DSC1: variants seen among roughly 807,000 people sequenced by gnomAD.
DSC1 encodes the protein desmocollin-1.
DSC1 carries 79 observed loss-of-function variants against 98.8 expected under a neutral mutation model. The ratio of observed to expected loss-of-function variants is 0.80; its 90% CI spans 0.67 to 0.96. The LOEUF is 0.96. DSC1 is among the 50% of genes least tolerant of loss of function. DSC1 has a pLI of 0.00. For synonymous variants in DSC1, 405 were observed against 372.1 expected (o/e 1.09, Z -1.02); for missense variants, 1,115 against 1,075.9 (o/e 1.04, Z -0.51).
intron 2 of DSC1, among the ~76,000 whole-genome samples, chr18:31,158,651 C>T (rs1247101936): frequency 6.6e-6 from 1 of 152,014 alleles, no homozygotes; most frequent in Non-Finnish European, 1.5e-5. Flanking sequence ...CTAAGACCCA[C>T]CAAAACTGTA....
chr18:31,157,337 A>G, intron 3 of DSC1, 34 bp downstream of exon 3: 1 of 1,603,898 alleles, frequency 6.2e-7, no homozygotes, highest in Non-Finnish European at 8.5e-7. Context: ...TAAGCATATT[A>G]CTGTGCTAGG....
intron 9 of DSC1, 90 bp from the exon 10 acceptor site, chr18:31,140,391 T>C (rs1253006651): frequency 1.5e-6 from 2 of 1,351,386 alleles, no homozygotes; most frequent in Non-Finnish European, 2.0e-6. Context: ...AATATCATTT[T>C]TACATTTAAA....
In DSC1 at chr18:31,156,134, G is replaced by C. The variant is rs1279379580; in HGVS notation, c.380C>G (p.Thr127Arg). The change falls in exon 4 of 16, where the codon ACA becomes AGA. Residue 127 changes from threonine to arginine, a missense_variant. Thr to Arg is a moderately conservative substitution (Grantham distance 71, BLOSUM62 -1). Coordinates refer to ENST00000257198, the MANE Select transcript of DSC1 (RefSeq NM_024421.2). ...KSPKKRHTKDTALKRSKRRWA... is the reference protein window; with the variant it reads ...KSPKKRHTKDRALKRSKRRWA... ...TCGTCTCTTGCTGCGCTTGAGGGCT[G>C]TGTCTTTGGTATGTCTCTTCTTAGG... The C allele has an allele frequency of 6.2e-7, 1 of 1,614,054 alleles. No individual in the cohort carries two copies. The highest frequency in any genetic ancestry group is 1.1e-5 in the South Asian group (1 of 91,056).
chr18:31,154,823 TC>T lies in DSC1; in HGVS notation c.577del (p.Asp193IlefsTer36). The T allele has an allele frequency of 6.2e-7, 1 of 1,613,964 alleles. No individual in the cohort carries two copies. Among genetic ancestry groups the T allele is most frequent in the Non-Finnish European group, 8.5e-7 (1 of 1,179,930 alleles). On this transcript the variant is annotated frameshift_variant, in exon 5 of 16. Coordinates refer to ENST00000257198, the MANE Select transcript of DSC1 (RefSeq NM_024421.2). LOFTEE classifies it high-confidence loss of function. ...GTCAATGCTCCTTGTACAAAAGATA[TC>T]CCCAGTGTCTTTCTCTATGTAAAAC... ...NLFYIEKDTG[D>X]IFCTRSIDRE...
chr18:31,145,634 T>G lies in DSC1; in HGVS notation c.916A>C (p.Thr306Pro). ...IHPDTGVITT[T>P]TPFLDREKCD... is the part of the protein sequence containing the mutation. ...ACTTCTCTATCCAGAAAAGGTGTAG[T>G]TGTGGTGATGACACCGGTATCTGGG... The change falls in exon 7 of 16, where the codon ACT becomes CCT. Residue 306 changes from threonine to proline, a missense_variant. Thr to Pro is a conservative substitution (Grantham distance 38). Transcript: ENST00000257198. 6.2e-7 allele frequency: 1 copy of G among 1,614,090 alleles called. No individual in the cohort carries two copies. The highest frequency in any genetic ancestry group is 8.5e-7 in the Non-Finnish European group (1 of 1,179,994).
Position 31,130,409 on chromosome 18 carries a change from A to G in DSC1, c.*105T>C, listed in dbSNP as rs1988458022. ...ATAGTACCCTTACCTATACATGACA[A>G]AGTTTACCTCCATAAACAAAAACAT... On this transcript the variant is annotated 3_prime_UTR_variant, in exon 16 of 16. Transcript: ENST00000257198. 3 of 1,289,062 alleles carry G rather than the reference A, an allele frequency of 2.3e-6. No homozygotes were observed. The highest frequency in any genetic ancestry group is 2.0e-4 in the Middle Eastern group (1 of 4,880). The allele number at this position is 1,289,062 out of a possible 1,614,324, so 79.9% of individuals were successfully genotyped here.
intron 1 of DSC1, among the ~76,000 whole-genome samples, chr18:31,159,950 T>C (rs561062439): frequency 6.6e-6 from 1 of 152,338 alleles, no homozygotes; most frequent in East Asian, 1.9e-4. Flanking sequence ...TTTGAAGTTA[T>C]AGTTGATGAA....
At chr18:31,145,872 C>G in intron 6 of DSC1, 95 bp from the exon 7 acceptor site, 1 of 1,321,156 alleles carries the variant, frequency 7.6e-7, no homozygotes, top group East Asian at 2.4e-5. Flanking sequence ...CAAATTCTCC[C>G]CCAAACCACA....
Position 31,144,935 on chromosome 18 carries a change from TCTTTC to T in DSC1, c.939+671_939+675del, listed in dbSNP as rs796865801. Among the ~76,000 whole-genome samples, 1,338 of 134,020 alleles carry T rather than the reference TCTTTC, an allele frequency of 1.0e-2. 73 individuals are homozygous for T. Among genetic ancestry groups the T allele is most frequent in the African/African-American group, 0.035 (1,150 of 33,054 alleles). The allele number at this position is 134,020 out of a possible 152,430, so 87.9% of individuals were successfully genotyped here. On this transcript the variant is annotated intron_variant, in intron 7 of 15. Coordinates refer to ENST00000257198, the MANE Select transcript of DSC1 (RefSeq NM_024421.2). ...ATGGGAACCGTCTGTATTTTCTTTT[TCTTTC>T]TTTTTTTTTTTTTTTTTGAGACGGA...
chr18:31,148,462 G>T, intron 6 of DSC1, 36 bp downstream of exon 6: 1 of 1,545,180 alleles, frequency 6.5e-7, no homozygotes, highest in Non-Finnish European at 8.8e-7. Context: ...ATGTCAAATA[G>T]TCTTCTTGTC....
intron 3 of DSC1, 101 bp downstream of exon 3, chr18:31,157,270 A>G (rs151222841): frequency 5.2e-5 from 65 of 1,244,996 alleles, no homozygotes; most frequent in Non-Finnish European, 6.5e-5. Flanking sequence ...TTGTCATTCA[A>G]TAGCATAGAT....
At chr18:31,155,360 T>C (rs966780566) in intron 4 of DSC1, among the ~76,000 whole-genome samples, 4 of 152,214 alleles carry the variant, frequency 2.6e-5, no homozygotes, top group African/African-American at 9.6e-5. Flanking sequence ...CCGGGCGCAG[T>C]GGCTCACACC....
rs2144908461 is a variant in DSC1, at chr18:31,130,234, G to T, written c.*280C>A. The T allele has an allele frequency of 3.1e-6, 1 of 318,760 alleles. No homozygotes were observed. The allele number at this position is 318,760 out of a possible 1,614,324, so 19.7% of individuals were successfully genotyped here. A position where few individuals can be genotyped will look rare whatever the true frequency, so the allele number is the denominator to read the frequency against. On this transcript the variant is annotated 3_prime_UTR_variant, in exon 16 of 16. Transcript: ENST00000257198. Reference sequence around the variant, plus strand: ...ACAGCACAAAAAGTAACATCAGTTTGCAAATAAAAGGTGCAAGAAGGTGTA... The same window carrying T: ...ACAGCACAAAAAGTAACATCAGTTTTCAAATAAAAGGTGCAAGAAGGTGTA...
intron 1 of DSC1, among the ~76,000 whole-genome samples, chr18:31,160,816 A>G (rs1989194582): frequency 6.6e-6 from 1 of 152,142 alleles, no homozygotes; most frequent in Non-Finnish European, 1.5e-5. Context: ...AAACACATAC[A>G]TATACATATG....
chr18:31,150,297 C>T (rs1326435921), intron 5 of DSC1, among the ~76,000 whole-genome samples: 22 of 46,376 alleles, frequency 4.7e-4, no homozygotes, highest in East Asian at 1.1e-3. Context: ...ACCACCACTA[C>T]CATCATCACC....
chr18:31,139,825 G>A lies in DSC1; in HGVS notation c.1586C>T (p.Thr529Ile). 6.2e-7 allele frequency: 1 copy of A among 1,612,258 alleles called. No homozygotes were observed. Among genetic ancestry groups the A allele is most frequent in the Non-Finnish European group, 8.5e-7 (1 of 1,179,390 alleles). ...GGATTCTCTATCTAGTACTTTTAGAGTTCTCAAGTCGCCAGTGTGTTGATT... is the reference window on the plus strand; with the variant it reads ...GGATTCTCTATCTAGTACTTTTAGAATTCTCAAGTCGCCAGTGTGTTGATT... ...EINQHTGDLR[T>I]LKVLDRESKF... The change falls in exon 11 of 16, where the codon ACT (threonine) becomes ATT (isoleucine). Residue 529 changes from threonine to isoleucine, a missense_variant. Physicochemically the swap from Thr to Ile is moderately conservative, Grantham distance 89. Coordinates refer to ENST00000257198, the MANE Select transcript of DSC1 (RefSeq NM_024421.2).
At position 31,162,620 on chromosome 18, in the gene DSC1, C is replaced by G; in HGVS notation, c.-26G>C. On this transcript the variant is annotated 5_prime_UTR_variant, in exon 1 of 16. Coordinates refer to ENST00000257198, the MANE Select transcript of DSC1 (RefSeq NM_024421.2). ...CAGAAGCAGTCCCAATGGCCAGGGA[C>G]GGTGGCCAGATAACAGGGCAGCCTG... 6.2e-7 allele frequency: 1 copy of G among 1,612,440 alleles called. No homozygotes were observed. Among genetic ancestry groups the G allele is most frequent in the Admixed American group, 1.7e-5 (1 of 60,006 alleles).
intron 1 of DSC1, among the ~76,000 whole-genome samples, chr18:31,161,017 G>C (rs1217019302): frequency 2.6e-5 from 4 of 151,814 alleles, no homozygotes; most frequent in Non-Finnish European, 4.4e-5. Context: ...TACACACCTG[G>C]GTTATACCTA....
At position 31,132,550 on chromosome 18, in the gene DSC1, A is replaced by ACCG; in HGVS notation, c.2238+17_2238+18insCGG. On this transcript the variant is annotated intron_variant, in intron 14 of 15. Coordinates refer to ENST00000257198, the MANE Select transcript of DSC1 (RefSeq NM_024421.2). ...TTTGTTCACCGTACAATTCAAAGGG[A>ACCG]TGTGAAATCTGATTTACCGTTACTT... 6.2e-7 allele frequency: 1 copy of ACCG among 1,612,222 alleles called. No homozygotes were observed. The highest frequency in any genetic ancestry group is 8.5e-7 in the Non-Finnish European group (1 of 1,178,980).
Sources: gnomAD v4.1 joint callset for allele counts (sites outside exome capture counted in the v4.1 genomes callset) on GRCh38, gnomAD v4.1.1 for gene constraint, MANE v1.5 for transcripts, NCBI Gene and HGNC (gene_info 2026-07-23, HGNC 2026-07-21) for gene names.